Variants in SNRPA observed in about 807,000 individuals in gnomAD.
SNRPA encodes the protein small nuclear ribonucleoprotein polypeptide A, also known as U1 small nuclear ribonucleoprotein A.
In SNRPA, 10 loss-of-function variants were observed where a neutral mutation model predicts 24.5. The ratio of observed to expected loss-of-function variants is 0.41; its 90% confidence interval spans 0.25 to 0.69. The LOEUF is 0.69. Among genes scored for constraint, SNRPA ranks in the 30% least tolerant of loss-of-function variants. SNRPA has a pLI of 0.33. For synonymous variants in SNRPA, 165 were observed against 148.4 expected, an observed-to-expected ratio of 1.11 and a Z score of -0.81; for missense variants, 283 against 394.7, an observed-to-expected ratio of 0.72 and a Z score of 2.40.
In SNRPA at chr19:40,763,661, C is replaced by T. The variant is rs2082942621; in HGVS notation, c.675C>T (p.Ser225=). ...LPEETNELML[S]MLFNQFPGFK... The stretch of plus-strand genomic sequence containing the variant: ...AGGAGACCAACGAGCTCATGCTGTC[C>T]ATGCTTTTCAATCAGTAAGTGGGGC... The change falls in exon 5 of 6, where the codon TCC becomes TCT. Residue 225 remains serine (S), a synonymous_variant. Coordinates refer to ENST00000243563, the MANE Select transcript of SNRPA (RefSeq NM_004596.5). 6.2e-7 allele frequency: 1 copy of T among 1,613,784 alleles called. No homozygotes were observed. Among genetic ancestry groups the T allele is most frequent in the African/African-American group, 1.3e-5 (1 of 74,912 alleles).
At chr19:40,755,257 CT>C (rs1004235207) in intron 1 of SNRPA, among the ~76,000 whole-genome samples, 931 of 82,586 alleles carry the variant, frequency 0.011, no homozygotes, top group African/African-American at 0.034. Flanking sequence ...TTTTTCTTTT[CT>C]TTTTTTTTTT....
intron 1 of SNRPA, among the ~76,000 whole-genome samples, chr19:40,753,384 G>GTTTTTTTTTTTTTTTTTTTTTT (rs746525368): frequency 2.6e-5 from 1 of 38,382 alleles, no homozygotes; most frequent in African/African-American, 1.1e-4. Context: ...TTTTGCATAT[G>GTTTTTTTTTTTTTTTTTTTTTT]TTTTTTTTTT....
intron 1 of SNRPA, among the ~76,000 whole-genome samples, chr19:40,755,595 T>C (rs967572799): frequency 6.6e-6 from 1 of 152,226 alleles, no homozygotes; most frequent in South Asian, 2.1e-4. Flanking sequence ...AGACTGGTCT[T>C]GAACTCTTGA....
chr19:40,762,898 C>A lies in SNRPA; in HGVS notation c.427-3C>A. ...CCACGCACTCTCCTCCCTCTCTCCA[C>A]AGGGCATGCCGCCGATGACTCAGGC... On this transcript the variant is annotated splice_region_variant and splice_polypyrimidine_tract_variant and intron_variant, in intron 3 of 5. Coordinates refer to ENST00000243563, the MANE Select transcript of SNRPA (RefSeq NM_004596.5). The A allele has an allele frequency of 6.2e-7, 1 of 1,613,284 alleles. No homozygotes were observed. The highest frequency in any genetic ancestry group is 8.5e-7 in the Non-Finnish European group (1 of 1,179,786).
intron 1 of SNRPA, among the ~76,000 whole-genome samples, chr19:40,752,472 G>T (rs1484803561): frequency 6.6e-6 from 1 of 151,416 alleles, no homozygotes; most frequent in East Asian, 1.9e-4. Flanking sequence ...GCCGGGCGTG[G>T]TGGTTCAGGC....
intron 3 of SNRPA, among the ~76,000 whole-genome samples, chr19:40,762,200 A>C (rs1399311745): frequency 6.6e-6 from 1 of 151,656 alleles, no homozygotes; most frequent in Non-Finnish European, 1.5e-5. Context: ...GTCCCTTTCC[A>C]TCACTGCCCT....
At chr19:40,760,268 G>A (rs2082925954) in intron 3 of SNRPA, among the ~76,000 whole-genome samples, 1 of 152,102 alleles carries the variant, frequency 6.6e-6, no homozygotes, top group African/African-American at 2.4e-5. Context: ...GCCTCCCAAA[G>A]TGCTAGGATT....
At chr19:40,761,463 T>C (rs1354679587) in intron 3 of SNRPA, among the ~76,000 whole-genome samples, 2 of 67,950 alleles carry the variant, frequency 2.9e-5, no homozygotes, top group African/African-American at 7.7e-5. Flanking sequence ...TTTTTCTTTT[T>C]TTTTTTTTTT....
At position 40,759,388 on chromosome 19, in the gene SNRPA, T is replaced by C. The variant is rs767706503; in HGVS notation, c.247-43T>C. On this transcript the variant is annotated intron_variant, in intron 2 of 5. Transcript: ENST00000243563. Reference sequence around the variant, plus strand: ...CAATTTTGAATCTTGGCAATTGGGCTCTGAATCCACGCTCTTAACCCGTTC... The same window carrying C: ...CAATTTTGAATCTTGGCAATTGGGCCCTGAATCCACGCTCTTAACCCGTTC... The C allele has an allele frequency of 2.6e-6, 4 of 1,542,286 alleles. No homozygotes were observed. In the South Asian group the frequency reaches 4.8e-5, roughly 18 times the overall value.
intron 2 of SNRPA, among the ~76,000 whole-genome samples, chr19:40,759,097 A>G (rs143527512): frequency 0.061 from 9,240 of 150,524 alleles, 331 homozygotes; most frequent in East Asian, 0.17. Context: ...AATCCCAGCT[A>G]GTAGGGAGGC....
intron 3 of SNRPA, among the ~76,000 whole-genome samples, chr19:40,762,036 G>A (rs1365694360): frequency 6.6e-6 from 1 of 152,008 alleles, no homozygotes; most frequent in Non-Finnish European, 1.5e-5. Context: ...ATTACTGTGG[G>A]CTCCTGTTAA....
Position 40,751,214 on chromosome 19 carries a change from C to A in SNRPA, c.-195C>A. 1 of 607,800 alleles carries A rather than the reference C, an allele frequency of 1.6e-6. No homozygotes were observed. The allele number at this position is 607,800 out of a possible 1,614,324, so 37.7% of individuals were successfully genotyped here. A position where few individuals can be genotyped will look rare whatever the true frequency, so the allele number is the denominator to read the frequency against. On this transcript the variant is annotated 5_prime_UTR_variant, in exon 1 of 6. Coordinates refer to ENST00000243563, the MANE Select transcript of SNRPA (RefSeq NM_004596.5). ...ATCTCTCGAGAGTTCTCTCCGCACG[C>A]GGGCTGGAGAAGCGGGTCCTACGCA...
Position 40,751,212 on chromosome 19 carries a change from C to T in SNRPA, c.-197C>T. The T allele has an allele frequency of 3.3e-6, 2 of 605,244 alleles. No homozygotes were observed. The highest frequency in any genetic ancestry group is 1.9e-5 in the South Asian group (1 of 53,508). The allele number at this position is 605,244 out of a possible 1,614,324, so 37.5% of individuals were successfully genotyped here. A position where few individuals can be genotyped will look rare whatever the true frequency, so the allele number is the denominator to read the frequency against. ...AAATCTCTCGAGAGTTCTCTCCGCACGCGGGCTGGAGAAGCGGGTCCTACG... is the reference window on the plus strand; with the variant it reads ...AAATCTCTCGAGAGTTCTCTCCGCATGCGGGCTGGAGAAGCGGGTCCTACG... On this transcript the variant is annotated 5_prime_UTR_variant, in exon 1 of 6. In the 5' UTR this introduces an upstream ATG that the reference lacks. Transcript: ENST00000243563.
At chr19:40,761,224 T>C (rs2607414) in intron 3 of SNRPA, among the ~76,000 whole-genome samples, 116,791 of 151,744 alleles carry the variant, frequency 0.77, 45,276 homozygotes, top group African/African-American at 0.84. Flanking sequence ...AGAGTCTAGG[T>C]ACAGCTACAC....
In SNRPA at chr19:40,761,594, G is replaced by C. The variant is rs76565362; in HGVS notation, c.427-1307G>C. On this transcript the variant is annotated intron_variant, in intron 3 of 5. Transcript: ENST00000243563. The stretch of plus-strand genomic sequence containing the variant: ...CGAGTCTCCTGCCCCTGCCTCCCGA[G>C]GATCTGGGACTACAGGCATGTGCCA... Among the ~76,000 whole-genome samples, 558 of 150,312 alleles carry C rather than the reference G, an allele frequency of 3.7e-3. 3 individuals are homozygous for C. Among genetic ancestry groups the C allele is most frequent in the African/African-American group, 0.011 (454 of 40,990 alleles).
chr19:40,754,883 G>A (rs138695213), intron 1 of SNRPA, among the ~76,000 whole-genome samples: 12 of 152,214 alleles, frequency 7.9e-5, no homozygotes, highest in African/African-American at 1.9e-4. Context: ...CCAGAGTCCC[G>A]TGGAATGAGT....
intron 3 of SNRPA, among the ~76,000 whole-genome samples, chr19:40,760,158 A>T (rs982939139): frequency 2.0e-5 from 3 of 152,164 alleles, no homozygotes; most frequent in African/African-American, 7.2e-5. Context: ...TAGCAGCTGG[A>T]ACTGTCAGTC....
At position 40,764,164 on chromosome 19, in the gene SNRPA, C is replaced by T. The variant is rs533817462; in HGVS notation, c.689+489C>T. Reference sequence around the variant, plus strand: ...GCTGTTCACCATTGTTGAGTGAAGTCGTGGGTGTGGGTGAGTTCATCTGGT... The same window carrying T: ...GCTGTTCACCATTGTTGAGTGAAGTTGTGGGTGTGGGTGAGTTCATCTGGT... On this transcript the variant is annotated intron_variant, in intron 5 of 5. Transcript: ENST00000243563. Among the ~76,000 whole-genome samples the T allele has an allele frequency of 1.3e-3, 194 of 152,088 alleles. 1 individual carries two copies. In the South Asian group the frequency reaches 0.016, roughly 12 times the overall value.
intron 1 of SNRPA, among the ~76,000 whole-genome samples, chr19:40,753,977 A>G (rs1018077855): frequency 1.3e-5 from 2 of 148,850 alleles, no homozygotes; most frequent in East Asian, 2.0e-4. Context: ...AATTTTTTGT[A>G]TATTTAGTAG....
Sources: gnomAD v4.1 joint callset for allele counts (sites outside exome capture counted in the v4.1 genomes callset) on GRCh38, gnomAD v4.1.1 for gene constraint, MANE v1.5 for transcripts, NCBI Gene and HGNC (gene_info 2026-07-23, HGNC 2026-07-21) for gene names.